Variants in DNER observed in about 807,000 individuals in gnomAD.
DNER encodes the protein delta/notch like EGF repeat containing.
Under a neutral mutation model 78.2 loss-of-function variants are expected in DNER, and 33 were observed. The ratio of observed to expected loss-of-function variants is 0.42; its 90% confidence interval spans 0.32 to 0.56. The LOEUF is 0.56. Ranked by LOEUF, DNER falls within the 20% of genes least tolerant of loss-of-function variation. The pLI, the probability that DNER is intolerant of heterozygous loss-of-function variation, is 0.11. For missense variants in DNER, 918 were observed against 975.3 expected (o/e 0.94, Z 0.78); for synonymous variants, 417 against 384.8 (o/e 1.08, Z -0.98).
At chr2:229,454,167 G>T (rs2106365083) in intron 7 of DNER, among the ~76,000 whole-genome samples, 1 of 152,236 alleles carries the variant, frequency 6.6e-6, no homozygotes, top group East Asian at 1.9e-4. Context: ...TGCCCAAATT[G>T]CTATTGCAAT....
At chr2:229,473,856 C>T (rs778421695) in intron 7 of DNER, among the ~76,000 whole-genome samples, 2 of 152,188 alleles carry the variant, frequency 1.3e-5, no homozygotes, top group African/African-American at 2.4e-5. Flanking sequence ...CTCAGACTTG[C>T]TCTCAGCATG....
At chr2:229,404,468 C>T (rs113575183) in intron 10 of DNER, among the ~76,000 whole-genome samples, 7,366 of 152,260 alleles carry the variant, frequency 0.048, 223 homozygotes, top group Middle Eastern at 0.078. Context: ...ACTGCCCCCA[C>T]GATCCAATTA....
At chr2:229,596,539 G>T (rs888176) in intron 1 of DNER, among the ~76,000 whole-genome samples, 55,346 of 151,994 alleles carry the variant, frequency 0.36, 10,258 homozygotes, top group East Asian at 0.5. Context: ...ACCATCTCTG[G>T]GAGCCACTTT....
rs35303436 is a variant in DNER at position 229,615,793 on chromosome 2, C to CA, written c.277-23906dup. Among the ~76,000 whole-genome samples, 404 of 149,340 alleles carry CA rather than the reference C, an allele frequency of 2.7e-3. 1 individual carries two copies. The highest frequency in any genetic ancestry group is 9.1e-3 in the African/African-American group (370 of 40,706). On this transcript the variant is annotated intron_variant, in intron 1 of 12. Coordinates refer to ENST00000341772, the MANE Select transcript of DNER (RefSeq NM_139072.4). Reference sequence around the variant, plus strand: ...CATCCCTTCACTAGGAGACTAGCGGCAAAAAAAAAAAATCTGTCTAAAGCT... The same window carrying CA: ...CATCCCTTCACTAGGAGACTAGCGGCAAAAAAAAAAAAATCTGTCTAAAGCT...
intron 10 of DNER, among the ~76,000 whole-genome samples, chr2:229,401,957 C>T (rs896522691): frequency 1.3e-5 from 2 of 152,144 alleles, no homozygotes; most frequent in Non-Finnish European, 2.9e-5. Flanking sequence ...TGGATGTTTA[C>T]ATGGGAAAAA....
intron 1 of DNER, among the ~76,000 whole-genome samples, chr2:229,687,309 G>A (rs1213695647): frequency 6.8e-6 from 1 of 148,056 alleles, no homozygotes; most frequent in East Asian, 2.0e-4. Flanking sequence ...TGTCACCCAG[G>A]CTGCAGTGTA....
chr2:229,362,565 G>A (rs1027146561), intron 12 of DNER, among the ~76,000 whole-genome samples: 4 of 152,202 alleles, frequency 2.6e-5, no homozygotes, highest in Non-Finnish European at 4.4e-5. Flanking sequence ...TGTGACCCTT[G>A]TGTAAATTGT....
chr2:229,663,458 G>C (rs912271516), intron 1 of DNER, among the ~76,000 whole-genome samples: 2 of 152,192 alleles, frequency 1.3e-5, no homozygotes, highest in African/African-American at 2.4e-5. Context: ...TGATTTCCGT[G>C]TCGCATTTCT....
rs34433763 is a variant in DNER, at chr2:229,463,620, T to A, written c.1261+13520A>T. On this transcript the variant is annotated intron_variant, in intron 7 of 12. Coordinates refer to ENST00000341772, the MANE Select transcript of DNER (RefSeq NM_139072.4). The stretch of plus-strand genomic sequence containing the variant: ...ACATCCAATTAAATTTCAATTTTTT[T>A]ATGGAAATGTGATCTCCCTATGTTG... Among the ~76,000 whole-genome samples, 8 of 151,684 alleles carry A rather than the reference T, an allele frequency of 5.3e-5. 1 individual carries two copies. The highest frequency in any genetic ancestry group is 1.2e-4 in the African/African-American group (5 of 41,240).
chr2:229,546,906 T>G (rs1173959300), intron 5 of DNER, 41 bp downstream of exon 5: 5 of 1,612,430 alleles, frequency 3.1e-6, no homozygotes, highest in African/African-American at 1.3e-5. Context: ...TAAATATTCA[T>G]GTAAATATGT....
intron 11 of DNER, among the ~76,000 whole-genome samples, chr2:229,374,186 A>C (rs949835305): frequency 2.0e-5 from 3 of 152,136 alleles, no homozygotes; most frequent in Admixed American, 6.6e-5. Flanking sequence ...TAGGAGCTGA[A>C]CATCAGGTAC....
chr2:229,470,869 G>A (rs1197250204), intron 7 of DNER, among the ~76,000 whole-genome samples: 1 of 152,000 alleles, frequency 6.6e-6, no homozygotes, highest in Non-Finnish European at 1.5e-5. Flanking sequence ...AATAAAATAA[G>A]ATAAAATTTT....
At position 229,366,925 on chromosome 2, in the gene DNER, G is replaced by A. The variant is rs549129843; in HGVS notation, c.2050C>T (p.Arg684Cys). The part of the protein sequence containing the change: ...RPAYEEFYNC[R>C]SIDSEFSNAI... ...TTGCTGAACTCGCTGTCGATGCTGC[G>A]GCAGTTGTAGAACTCCTCATAGGCT... The change falls in exon 12 of 13, where the codon CGC becomes TGC. Residue 684 changes from arginine to cysteine, a missense_variant. Transcript: ENST00000341772. The A allele has an allele frequency of 1.9e-5, 30 of 1,614,166 alleles. No homozygotes were observed. Among genetic ancestry groups the A allele is most frequent in the East Asian group, 2.2e-5 (1 of 44,884 alleles).
At chr2:229,503,113 T>C (rs1695655823) in intron 6 of DNER, among the ~76,000 whole-genome samples, 1 of 152,238 alleles carries the variant, frequency 6.6e-6, no homozygotes, top group African/African-American at 2.4e-5. Flanking sequence ...GAAGCAGGGA[T>C]GATTTCTAAA....
intron 1 of DNER, among the ~76,000 whole-genome samples, chr2:229,597,324 T>C (rs1451851531): frequency 6.6e-6 from 1 of 152,250 alleles, no homozygotes; most frequent in African/African-American, 2.4e-5. Context: ...CATAACAGCA[T>C]ATATAAGATA....
At chr2:229,472,382 A>T (rs1363491813) in intron 7 of DNER, among the ~76,000 whole-genome samples, 2 of 152,014 alleles carry the variant, frequency 1.3e-5, no homozygotes, top group African/African-American at 4.8e-5. Context: ...GATGTCCTTT[A>T]TTGCTGGAGG....
At chr2:229,519,386 A>G (rs1444499695) in intron 5 of DNER, among the ~76,000 whole-genome samples, 2 of 152,198 alleles carry the variant, frequency 1.3e-5, no homozygotes, top group Non-Finnish European at 2.9e-5. Flanking sequence ...ACATATACAG[A>G]AAATATACTT....
chr2:229,526,523 AG>A (rs1259488890), intron 5 of DNER, among the ~76,000 whole-genome samples: 1 of 152,090 alleles, frequency 6.6e-6, no homozygotes, highest in Non-Finnish European at 1.5e-5. Flanking sequence ...TGGACAGGGT[AG>A]GGGGGTGGTT....
At position 229,424,202 on chromosome 2, in the gene DNER, G is replaced by C. The variant is rs148619906; in HGVS notation, c.1487-5972C>G. On this transcript the variant is annotated intron_variant, in intron 8 of 12. Coordinates refer to ENST00000341772, the MANE Select transcript of DNER (RefSeq NM_139072.4). ...CACGGAGCATCCAGTGTGGTAGCAAGTTAGCAGCATCTGCCTTATGTCAGG... is the reference window on the plus strand; with the variant it reads ...CACGGAGCATCCAGTGTGGTAGCAACTTAGCAGCATCTGCCTTATGTCAGG... 8.5e-3 allele frequency among the ~76,000 whole-genome samples: 1,299 copies of C among 152,346 alleles called. 12 individuals carry two copies. Among genetic ancestry groups the C allele is most frequent in the African/African-American group, 0.03 (1,231 of 41,566 alleles).
Sources: allele counts gnomAD v4.1 joint callset (sites outside exome capture counted in the v4.1 genomes callset), GRCh38; gene constraint gnomAD v4.1.1; transcripts MANE v1.5; gene names NCBI Gene and HGNC (gene_info 2026-07-23, HGNC 2026-07-21).